Variants in NRDC observed in about 807,000 individuals in gnomAD.
NRDC encodes nardilysin convertase.
A neutral mutation model predicts 147.1 loss-of-function variants in NRDC; 54 were observed. The observed-to-expected ratio is 0.37, with a 90% CI of 0.29 to 0.46. NRDC has a LOEUF of 0.46. Ranked by LOEUF, NRDC falls within the 20% of genes least tolerant of loss-of-function variation. The probability of loss-of-function intolerance (pLI) is 1.00; values close to 1 mark genes in which losing one functional copy is unlikely to be tolerated. For missense variants in NRDC, 1,082 were observed against 1,370.6 expected (o/e 0.79, Z 3.33); for synonymous variants, 440 against 482.1 (o/e 0.91, Z 1.14).
chr1:51,844,304 C>T (rs1681423136), intron 1 of NRDC, among the ~76,000 whole-genome samples: 1 of 152,050 alleles, frequency 6.6e-6, no homozygotes, highest in Non-Finnish European at 1.5e-5. Flanking sequence ...AGAGACAGGG[C>T]CTTTAAAGAG....
At chr1:51,864,330 T>A (rs534023028) in intron 1 of NRDC, among the ~76,000 whole-genome samples, 33 of 152,322 alleles carry the variant, frequency 2.2e-4, no homozygotes, top group African/African-American at 7.2e-4. Flanking sequence ...AACTGACTGA[T>A]GAACACTTAA....
chr1:51,816,325 A>C lies in NRDC; in HGVS notation c.1426T>G (p.Phe476Val). 6.3e-7 allele frequency: 1 copy of C among 1,596,626 alleles called. No individual in the cohort carries two copies. The highest frequency in any genetic ancestry group is 1.1e-5 in the South Asian group (1 of 87,884). ...TTGAATACTTGCTTTTTCCTAAGGA[A>C]AGAAAGAATGCTGCCTTTGCCTTCA... ...GHEGKGSILS[F>V]LRKKCWALAL... The change falls in exon 11 of 31, where the codon TTC (phenylalanine) becomes GTC (valine). Residue 476 changes from phenylalanine (F) to valine (V), a missense_variant. By Grantham distance (50) the Phe-to-Val change is conservative (BLOSUM62 -1). Around this residue, in one of 3 missense-constraint regions of NRDC, gnomAD observed 635 missense variants for 923.8 expected, o/e 0.69. Transcript: ENST00000352171.
intron 1 of NRDC, among the ~76,000 whole-genome samples, chr1:51,854,750 C>T (rs1052575728): frequency 1.3e-5 from 2 of 152,138 alleles, no homozygotes; most frequent in African/African-American, 4.8e-5. Flanking sequence ...ATAGCGAGAC[C>T]CCATCTCTAA....
chr1:51,790,162 T>C (rs943493005), intron 29 of NRDC, among the ~76,000 whole-genome samples: 1 of 152,224 alleles, frequency 6.6e-6, no homozygotes, highest in Non-Finnish European at 1.5e-5. Flanking sequence ...TTTACTACTT[T>C]GGAATAGAAG....
chr1:51,795,348 A>G, intron 22 of NRDC: 3 of 563,590 alleles, frequency 5.3e-6, no homozygotes, highest in Non-Finnish European at 8.1e-6. Flanking sequence ...TACTGGAGGA[A>G]ATTCATGGTA....
At position 51,878,363 on chromosome 1, in the gene NRDC, C is replaced by T; in HGVS notation, c.253G>A (p.Glu85Lys). Residue 85 changes from glutamate to lysine, a missense_variant, in exon 1 of 31, where the codon GAA becomes AAA. By Grantham distance (56) the Glu-to-Lys change is moderately conservative. This residue lies in a region of NRDC where 260 missense variants were observed against 253.2 expected (regional missense o/e 1.03). Transcript: ENST00000352171. ...NSRVARLGAD[E>K]SEEEGRRGSL... is the part of the protein sequence containing the mutation. ...CCCCTCCGTCCCTCTTCCTCAGATT[C>T]ATCCGCTCCTAGACGGGCAACCCGG... 6.2e-7 allele frequency: 1 copy of T among 1,614,204 alleles called. No individual in the cohort carries two copies. Among genetic ancestry groups the T allele is most frequent in the South Asian group, 1.1e-5 (1 of 91,090 alleles).
chr1:51,836,468 A>G (rs754333262), intron 2 of NRDC: 1 of 1,600,624 alleles, frequency 6.2e-7, no homozygotes, highest in Non-Finnish European at 8.6e-7. Context: ...ACAGACAGAA[A>G]AAAAGGGAAG....
chr1:51,807,906 A>T (rs1679542454), intron 17 of NRDC, among the ~76,000 whole-genome samples: 2 of 151,508 alleles, frequency 1.3e-5, no homozygotes, highest in Admixed American at 1.3e-4. Context: ...CCTGGGTTCA[A>T]GTGATTCTCC....
At position 51,840,240 on chromosome 1, in the gene NRDC, T is replaced by C; in HGVS notation, c.616A>G (p.Thr206Ala). 6.3e-7 allele frequency: 1 copy of C among 1,593,358 alleles called. No homozygotes were observed. Among genetic ancestry groups the C allele is most frequent in the Non-Finnish European group, 8.5e-7 (1 of 1,171,152 alleles). Reference protein sequence around the residue: ...LEERAEARKKTTEKQSAAALC... With the variant: ...LEERAEARKKATEKQSAAALC... ...ATGACTCGCACCTGTTTTTCAGTAG[T>C]TTTTTTTCTAGCTTCTGCTCTCTCT... is the stretch of plus-strand genomic sequence containing the variant. The change falls in exon 2 of 31, where the codon ACT becomes GCT. Residue 206 changes from threonine to alanine, a missense_variant. Thr to Ala is a moderately conservative substitution (Grantham distance 58). This residue lies in a region of NRDC where 260 missense variants were observed against 253.2 expected (regional missense o/e 1.03). Coordinates refer to ENST00000352171, the MANE Select transcript of NRDC (RefSeq NM_001101662.2).
At chr1:51,866,731 CCTTT>C (rs1345880133) in intron 1 of NRDC, among the ~76,000 whole-genome samples, 2 of 150,876 alleles carry the variant, frequency 1.3e-5, no homozygotes, top group South Asian at 2.1e-4. Flanking sequence ...TAATGTGATA[CCTTT>C]CTATTTCTAT....
intron 1 of NRDC, among the ~76,000 whole-genome samples, chr1:51,869,215 G>A (rs1682965373): frequency 6.6e-6 from 1 of 152,080 alleles, no homozygotes; most frequent in Non-Finnish European, 1.5e-5. Flanking sequence ...TTAAGATGCT[G>A]GGATTACAGG....
At chr1:51,792,136 C>T (rs1202543667) in intron 25 of NRDC, 38 bp from the exon 26 acceptor site, 2 of 1,612,230 alleles carry the variant, frequency 1.2e-6, no homozygotes, top group Non-Finnish European at 1.7e-6. Flanking sequence ...CCAACTCCTC[C>T]CAGCAGAGAA....
chr1:51,825,408 TAAAAC>T (rs1281759904), intron 5 of NRDC, 26 bp from the exon 6 acceptor site: 2 of 1,515,222 alleles, frequency 1.3e-6, no homozygotes. Flanking sequence ...AAACACATAA[TAAAAC>T]AAAATTCAGT....
chr1:51,842,216 T>C (rs748208277), intron 1 of NRDC, among the ~76,000 whole-genome samples: 11 of 148,850 alleles, frequency 7.4e-5, no homozygotes, highest in Middle Eastern at 3.4e-3. Flanking sequence ...ATTTAAGTGA[T>C]AGAAAAAATG....
At chr1:51,824,201 T>C (rs1436941130) in intron 6 of NRDC, among the ~76,000 whole-genome samples, 1 of 151,546 alleles carries the variant, frequency 6.6e-6, no homozygotes, top group African/African-American at 2.4e-5. Flanking sequence ...TCTTAGCTCA[T>C]GGCAACCTCC....
intron 5 of NRDC, among the ~76,000 whole-genome samples, chr1:51,826,855 T>C (rs772221273): frequency 3.3e-5 from 5 of 152,202 alleles, no homozygotes; most frequent in Non-Finnish European, 5.9e-5. Context: ...GTCTGCTTGT[T>C]TAAACACTGG....
chr1:51,826,408 C>A (rs1445822657), intron 5 of NRDC, among the ~76,000 whole-genome samples: 2 of 152,024 alleles, frequency 1.3e-5, no homozygotes, highest in Non-Finnish European at 2.9e-5. Flanking sequence ...GTATAAATAT[C>A]TGAACACTTA....
At chr1:51,834,228 C>T in intron 3 of NRDC, 58 bp from the exon 4 acceptor site, 1 of 1,560,556 alleles carries the variant, frequency 6.4e-7, no homozygotes, top group Non-Finnish European at 8.8e-7. Context: ...ATTTTTATCA[C>T]ACATGAACTT....
intron 10 of NRDC, 90 bp downstream of exon 10, chr1:51,817,976 T>C: frequency 1.1e-6 from 1 of 934,746 alleles, no homozygotes; most frequent in Non-Finnish European, 1.7e-6. Context: ...TGTTTATAAA[T>C]TCAGAACCCC....
Sources: gnomAD v4.1 joint callset for allele counts (sites outside exome capture counted in the v4.1 genomes callset) on GRCh38, gnomAD v4.1.1 for gene constraint, gnomAD v4.1.1 regional missense constraint, MANE v1.5 for transcripts, NCBI Gene and HGNC (gene_info 2026-07-23, HGNC 2026-07-21) for gene names.